FGD6: variants seen among roughly 807,000 people sequenced by gnomAD.
The protein encoded by FGD6 is FYVE, RhoGEF and PH domain-containing protein 6.
A neutral mutation model predicts 149.4 loss-of-function variants in FGD6; 90 were observed. That is an observed-to-expected ratio of 0.60 (90% confidence interval 0.51 to 0.72). The LOEUF (loss-of-function observed/expected upper bound fraction) is 0.72. FGD6 is among the 30% of genes least tolerant of loss of function. The pLI, the probability that FGD6 is intolerant of heterozygous loss-of-function variation, is 0.00. For missense variants in FGD6, 1,437 were observed against 1,684.8 expected, an observed-to-expected ratio of 0.85 and a Z score of 2.57; for synonymous variants, 527 against 584.0, an observed-to-expected ratio of 0.90 and a Z score of 1.41.
intron 20 of FGD6, among the ~76,000 whole-genome samples, chr12:95,082,529 C>T (rs1217210057): frequency 1.3e-5 from 2 of 151,196 alleles, no homozygotes; most frequent in Admixed American, 6.6e-5. Flanking sequence ...TGGTGGTGTG[C>T]GCCTGTAATC....
chr12:95,106,171 A>C (rs1281197996), intron 13 of FGD6, among the ~76,000 whole-genome samples: 1 of 152,116 alleles, frequency 6.6e-6, no homozygotes, highest in Non-Finnish European at 1.5e-5. Context: ...TGTGTTGCCC[A>C]GGCTGGTCTC....
chr12:95,091,834 ATTAAT>A (rs1283867598), intron 16 of FGD6, 25 bp from the exon 17 acceptor site: 1 of 1,496,038 alleles, frequency 6.7e-7, no homozygotes, highest in East Asian at 2.3e-5. Context: ...GAATTATGTC[ATTAAT>A]TTCATTAGAA....
rs1365505592 is a variant in FGD6, at chr12:95,076,853, T to C, written c.*4667A>G. Reference sequence around the variant, plus strand: ...ATGGACAAAAAGATACAAACTGTTATCATTTTAAGTACAAAGTATTTCTAG... The same window carrying C: ...ATGGACAAAAAGATACAAACTGTTACCATTTTAAGTACAAAGTATTTCTAG... On this transcript the variant is annotated 3_prime_UTR_variant, in exon 21 of 21. Transcript: ENST00000343958. 2 of 151,936 alleles carry C rather than the reference T, an allele frequency of 1.3e-5. No homozygotes were observed. The highest frequency in any genetic ancestry group is 2.1e-4 in the South Asian group (1 of 4,820). The allele number at this position is 151,936 out of a possible 1,614,324, so 9.4% of individuals were successfully genotyped here. A position where few individuals can be genotyped will look rare whatever the true frequency, so the allele number is the denominator to read the frequency against.
In FGD6 at chr12:95,172,035, A is replaced by AGGGG. The variant is rs776447160; in HGVS notation, c.2586+561_2586+564dup. ...GGTAGCAGTACAGGGAACAATTCTA[A>AGGGG]GGGGGGGGGGGTTGTTATCAAAAAG... On this transcript the variant is annotated intron_variant, in intron 3 of 20. Transcript: ENST00000343958. Among the ~76,000 whole-genome samples, 18 of 35,810 alleles carry AGGGG rather than the reference A, an allele frequency of 5.0e-4. 1 individual carries two copies. In the East Asian group the frequency reaches 0.014, roughly 27 times the overall value. The allele number at this position is 35,810 out of a possible 152,430, so 23.5% of individuals were successfully genotyped here.
At position 95,210,366 on chromosome 12, in the gene FGD6, T is replaced by C. The variant is rs1467474508; in HGVS notation, c.918A>G (p.Val306=). ...KDLGPLEIHL[V]PYTPKFPTPK... ...GAGTTGGAAATTTTGGGGTATATGG[T>C]ACTAAATGAATTTCTAAGGGACCAA... Residue 306 remains valine, a synonymous_variant, in exon 2 of 21, where the codon GTA becomes GTG. Coordinates refer to ENST00000343958, the MANE Select transcript of FGD6 (RefSeq NM_018351.4). The C allele has an allele frequency of 6.2e-7, 1 of 1,613,660 alleles. No homozygotes were observed. The highest frequency in any genetic ancestry group is 1.3e-5 in the African/African-American group (1 of 74,874).
At chr12:95,155,727 A>T (rs1435860428) in intron 3 of FGD6, among the ~76,000 whole-genome samples, 1 of 152,168 alleles carries the variant, frequency 6.6e-6, no homozygotes, top group Non-Finnish European at 1.5e-5. Context: ...GAGTTGGACC[A>T]AGAGCACAGT....
chr12:95,210,229 G>A lies in FGD6; in HGVS notation c.1055C>T (p.Thr352Ile), dbSNP rs2056717924. Residue 352 changes from threonine (T) to isoleucine (I), a missense_variant, in exon 2 of 21, where the codon ACT (threonine) becomes ATT (isoleucine). This residue lies in a region of FGD6 where 1,055 missense variants were observed against 1,146.0 expected (regional missense o/e 0.92). Transcript: ENST00000343958. ...GNSDSSSSCL[T>I]ENSLKINKIS... ...TTTATTGATTTTCAAACTATTTTCA[G>A]TAAGACAGGAAGAGCTACTGTCTGA... The A allele has an allele frequency of 2.5e-6, 4 of 1,613,940 alleles. No individual in the cohort carries two copies. The South Asian group carries it at 4.4e-5, about 18-fold the overall frequency.
intron 3 of FGD6, among the ~76,000 whole-genome samples, chr12:95,165,656 G>A (rs1289308907): frequency 6.6e-6 from 1 of 150,470 alleles, no homozygotes; most frequent in Non-Finnish European, 1.5e-5. Flanking sequence ...TTTTTCCTAA[G>A]TGAGATGAGG....
chr12:95,135,484 A>G (rs1006129854), intron 7 of FGD6, among the ~76,000 whole-genome samples: 1 of 152,230 alleles, frequency 6.6e-6, no homozygotes, highest in Non-Finnish European at 1.5e-5. Flanking sequence ...TTGACTACAA[A>G]GACATTTGGT....
chr12:95,163,514 T>C (rs1204597008), intron 3 of FGD6, among the ~76,000 whole-genome samples: 2 of 152,252 alleles, frequency 1.3e-5, no homozygotes, highest in African/African-American at 4.8e-5. Context: ...ATTCACCCTG[T>C]ATCCTTCTGC....
chr12:95,152,349 G>T (rs1477056361), intron 5 of FGD6, among the ~76,000 whole-genome samples: 1 of 152,044 alleles, frequency 6.6e-6, no homozygotes, highest in South Asian at 2.1e-4. Flanking sequence ...ACAAAAAAAA[G>T]TTGACCATTT....
chr12:95,180,579 G>T (rs1225665319), intron 2 of FGD6, among the ~76,000 whole-genome samples: 2 of 151,742 alleles, frequency 1.3e-5, no homozygotes, highest in African/African-American at 4.8e-5. Context: ...TTTTTCTTTT[G>T]TAGAGACTGG....
chr12:95,152,943 G>C lies in FGD6; in HGVS notation c.2637C>G (p.Ile879Met), dbSNP rs772851835. 14 of 1,613,882 alleles carry C rather than the reference G, an allele frequency of 8.7e-6. No individual in the cohort carries two copies. The highest frequency in any genetic ancestry group is 1.2e-5 in the Non-Finnish European group (14 of 1,179,954). Residue 879 changes from isoleucine to methionine, a missense_variant, in exon 4 of 21, where the codon ATC (isoleucine) becomes ATG (methionine). Physicochemically the swap from Ile to Met is conservative, Grantham distance 10. Transcript: ENST00000343958. Reference sequence around the variant, plus strand: ...ATACCTACACTTTCTCTGAGCTCATGATCTCCTTGGCAATATGATGAACTT... The same window carrying C: ...ATACCTACACTTTCTCTGAGCTCATCATCTCCTTGGCAATATGATGAACTT... ...KSKVHHIAKE[I>M]MSSEKVFVDV...
intron 2 of FGD6, among the ~76,000 whole-genome samples, chr12:95,202,189 C>T (rs1045219296): frequency 2.6e-5 from 4 of 151,834 alleles, no homozygotes; most frequent in African/African-American, 4.8e-5. Context: ...GAGTTCAATA[C>T]CAGCCTGGCC....
chr12:95,195,382 C>T (rs1881710497), intron 2 of FGD6, among the ~76,000 whole-genome samples: 1 of 152,072 alleles, frequency 6.6e-6, no homozygotes, highest in Non-Finnish European at 1.5e-5. Flanking sequence ...GCCTTCAGAG[C>T]AGCATCACAC....
intron 14 of FGD6, among the ~76,000 whole-genome samples, chr12:95,101,709 A>C (rs1217343667): frequency 1.0e-5 from 1 of 98,830 alleles, no homozygotes; most frequent in Non-Finnish European, 1.8e-5. Context: ...TTTGAGATGG[A>C]GCCTCACTCT....
chr12:95,089,847 G>A, intron 17 of FGD6, 151 bp from the exon 18 acceptor site: 1 of 973,710 alleles, frequency 1.0e-6, no homozygotes, highest in Non-Finnish European at 1.5e-6. Context: ...ATGGATGGCT[G>A]GGAGTTGAGT....
intron 8 of FGD6, among the ~76,000 whole-genome samples, chr12:95,119,171 G>A (rs1879111604): frequency 6.6e-6 from 1 of 152,168 alleles, no homozygotes; most frequent in Non-Finnish European, 1.5e-5. Flanking sequence ...ATCTAGTTGA[G>A]GCATGGGACT....
At chr12:95,166,209 C>T (rs1402363279) in intron 3 of FGD6, among the ~76,000 whole-genome samples, 1 of 152,134 alleles carries the variant, frequency 6.6e-6, no homozygotes, top group East Asian at 1.9e-4. Flanking sequence ...CCACCATACC[C>T]AGCCTGATAT....
Sources: allele counts gnomAD v4.1 joint callset (sites outside exome capture counted in the v4.1 genomes callset), GRCh38; gene constraint gnomAD v4.1.1; regional missense constraint gnomAD v4.1.1; transcripts MANE v1.5; gene names NCBI Gene and HGNC (gene_info 2026-07-23, HGNC 2026-07-21).